PRDM6: variants seen among roughly 807,000 people sequenced by gnomAD.
PRDM6 encodes PR/SET domain 6.
In PRDM6, 25 loss-of-function variants were observed where a neutral mutation model predicts 60.8. The ratio of observed to expected loss-of-function variants is 0.41; its 90% CI spans 0.30 to 0.57. PRDM6 has a LOEUF of 0.57. Ranked by LOEUF, PRDM6 falls within the 20% of genes least tolerant of loss-of-function variation. The pLI is 0.27. For missense variants in PRDM6, 839 were observed against 821.3 expected (o/e 1.02, Z -0.26); for synonymous variants, 407 against 357.4 (o/e 1.14, Z -1.57).
chr5:123,159,878 A>G (rs993626565), intron 5 of PRDM6, among the ~76,000 whole-genome samples: 1 of 152,200 alleles, frequency 6.6e-6, no homozygotes, highest in African/African-American at 2.4e-5. Flanking sequence ...CCAGAATTTT[A>G]AATAATAGTT....
At chr5:123,143,534 T>G (rs1765169558) in intron 3 of PRDM6, among the ~76,000 whole-genome samples, 1 of 152,146 alleles carries the variant, frequency 6.6e-6, no homozygotes, top group Non-Finnish European at 1.5e-5. Context: ...GACATTCAAG[T>G]TGACGGGATC....
chr5:123,119,925 A>G (rs185855702), intron 3 of PRDM6, among the ~76,000 whole-genome samples: 33 of 152,348 alleles, frequency 2.2e-4, no homozygotes, highest in African/African-American at 5.8e-4. Flanking sequence ...AGAGCTTTAA[A>G]CAAGGTTAAA....
intron 3 of PRDM6, among the ~76,000 whole-genome samples, chr5:123,133,867 G>C (rs1467341151): frequency 6.6e-6 from 1 of 151,130 alleles, no homozygotes; most frequent in African/African-American, 2.4e-5. Flanking sequence ...TCCTTCTGTA[G>C]CATGTTAGAA....
chr5:123,183,061 T>C (rs1766201706), intron 7 of PRDM6, among the ~76,000 whole-genome samples: 1 of 152,236 alleles, frequency 6.6e-6, no homozygotes, highest in Admixed American at 6.5e-5. Flanking sequence ...TACAAGCTTA[T>C]AAAACAAACA....
In PRDM6 at chr5:123,090,605, C is replaced by T. The variant is rs1217535752; in HGVS notation, c.591C>T (p.Asn197=). Residue 197 remains asparagine (N), a splice_region_variant and synonymous_variant, in exon 2 of 8, where the codon AAC becomes AAT. Coordinates refer to ENST00000407847, the MANE Select transcript of PRDM6 (RefSeq NM_001136239.4). ...ACCAGCACACCAGCGACCCCAACAA[C>T]CGTACGTAGCCGCAGCCCGCGCGCT... The part of the protein sequence containing the change: ...PLNQHTSDPN[N]RCDMCADNRN... 1 of 1,520,078 alleles carries T rather than the reference C, an allele frequency of 6.6e-7. No homozygotes were observed. The highest frequency in any genetic ancestry group is 2.6e-5 in the East Asian group (1 of 38,206). The allele number at this position is 1,520,078 out of a possible 1,614,324, so 94.2% of individuals were successfully genotyped here. A position where few individuals can be genotyped will look rare whatever the true frequency, so the allele number is the denominator to read the frequency against.
At chr5:123,148,096 T>G (rs910362477) in intron 3 of PRDM6, among the ~76,000 whole-genome samples, 1 of 152,234 alleles carries the variant, frequency 6.6e-6, no homozygotes, top group East Asian at 1.9e-4. Flanking sequence ...TTACAGTTCA[T>G]TGACACTTTT....
At chr5:123,156,867 C>G (rs549640817) in intron 4 of PRDM6, among the ~76,000 whole-genome samples, 1 of 152,144 alleles carries the variant, frequency 6.6e-6, no homozygotes, top group Non-Finnish European at 1.5e-5. Context: ...AAAAGCCCCA[C>G]CACTAAGCCT....
chr5:123,162,786 A>G (rs1308630672), intron 5 of PRDM6, among the ~76,000 whole-genome samples: 1 of 152,240 alleles, frequency 6.6e-6, no homozygotes, highest in Non-Finnish European at 1.5e-5. Context: ...AGGCTTCATC[A>G]GATCGTGTGG....
chr5:123,183,250 A>G (rs558417936), intron 7 of PRDM6, among the ~76,000 whole-genome samples: 6 of 152,350 alleles, frequency 3.9e-5, no homozygotes, highest in Non-Finnish European at 8.8e-5. Context: ...TAGATGCCCC[A>G]GATGGCTCAG....
intron 3 of PRDM6, among the ~76,000 whole-genome samples, chr5:123,116,975 C>A (rs1399237385): frequency 1.3e-5 from 2 of 152,224 alleles, no homozygotes; most frequent in East Asian, 1.9e-4. Flanking sequence ...CCCTAATTTA[C>A]TTCACTTCTC....
chr5:123,104,903 A>G (rs1764171997), intron 3 of PRDM6, among the ~76,000 whole-genome samples: 1 of 152,190 alleles, frequency 6.6e-6, no homozygotes, highest in South Asian at 2.1e-4. Flanking sequence ...ATGTCCATTT[A>G]AAGTTCTGGT....
intron 6 of PRDM6, among the ~76,000 whole-genome samples, chr5:123,174,202 C>G (rs1346600317): frequency 3.9e-5 from 6 of 152,306 alleles, no homozygotes; most frequent in Non-Finnish European, 8.8e-5. Flanking sequence ...CATCATGTTG[C>G]TGTTCATAAC....
rs904470398 is a variant in PRDM6 at position 123,136,780 on chromosome 5, G to A, written c.901-19104G>A. Among the ~76,000 whole-genome samples the A allele has an allele frequency of 5.3e-5, 8 of 152,178 alleles. No individual in the cohort carries two copies. The South Asian group carries it at 1.2e-3, about 24-fold the overall frequency. ...CCTCTCCATTTCTTTCTCATTTTCC[G>A]TCTTTACTTTCCATATTACTTTCAG... On this transcript the variant is annotated intron_variant, in intron 3 of 7. Coordinates refer to ENST00000407847, the MANE Select transcript of PRDM6 (RefSeq NM_001136239.4).
intron 4 of PRDM6, among the ~76,000 whole-genome samples, chr5:123,158,331 G>T (rs1476435072): frequency 6.6e-6 from 1 of 152,136 alleles, no homozygotes; most frequent in African/African-American, 2.4e-5. Context: ...GCAGTGGAAA[G>T]AATTAATAAA....
rs148782290 is a variant in PRDM6, at chr5:123,110,656, C to G, written c.900+10695C>G. On this transcript the variant is annotated intron_variant, in intron 3 of 7. Coordinates refer to ENST00000407847, the MANE Select transcript of PRDM6 (RefSeq NM_001136239.4). ...AGTCTTGGCTCACCGCAACCTCCGC[C>G]TCCCGGGTTCAAGCTATTCTCCTGC... Among the ~76,000 whole-genome samples the G allele has an allele frequency of 4.1e-3, 615 of 150,912 alleles. 4 individuals are homozygous for G. Among genetic ancestry groups the G allele is most frequent in the African/African-American group, 0.014 (588 of 40,966 alleles).
intron 3 of PRDM6, among the ~76,000 whole-genome samples, chr5:123,143,062 A>T (rs73296937): frequency 0.02 from 2,963 of 151,320 alleles, 91 homozygotes; most frequent in African/African-American, 0.069. Flanking sequence ...AAGGACTCTA[A>T]CTCAGTCACG....
intron 3 of PRDM6, among the ~76,000 whole-genome samples, chr5:123,137,482 C>T (rs1764987230): frequency 6.6e-6 from 1 of 152,178 alleles, no homozygotes. Flanking sequence ...CCAGTGTTTC[C>T]CAAAGTGTGG....
intron 3 of PRDM6, among the ~76,000 whole-genome samples, chr5:123,136,403 C>T (rs372212): frequency 0.72 from 110,032 of 151,908 alleles, 39,999 homozygotes; most frequent in Non-Finnish European, 0.75. Flanking sequence ...CCGAACAGAG[C>T]AGACTGTTTT....
chr5:123,128,541 G>A (rs1467165104), intron 3 of PRDM6, among the ~76,000 whole-genome samples: 1 of 152,188 alleles, frequency 6.6e-6, no homozygotes. Context: ...ATTTTTTCAT[G>A]TGTCGTTTGG....
Sources: gnomAD v4.1 joint callset for allele counts (sites outside exome capture counted in the v4.1 genomes callset) on GRCh38, gnomAD v4.1.1 for gene constraint, MANE v1.5 for transcripts, NCBI Gene and HGNC (gene_info 2026-07-23, HGNC 2026-07-21) for gene names.